The following C12orf42 variants were observed in gnomAD, a reference collection of about 807,000 sequenced individuals.
The protein encoded by C12orf42 is chromosome 12 open reading frame 42, also known as uncharacterized protein C12orf42.
A neutral mutation model predicts 21.6 loss-of-function variants in C12orf42; 25 were observed. That is an observed-to-expected ratio of 1.16 (90% CI 0.84 to 1.62). C12orf42 has a LOEUF of 1.62. Ranked by LOEUF, C12orf42 falls within the 40% of genes most tolerant of loss-of-function variation. The pLI, the probability that C12orf42 is intolerant of heterozygous loss-of-function variation, is 0.00. For synonymous variants in C12orf42, 174 were observed against 175.0 expected, an observed-to-expected ratio of 0.99 and a Z score of 0.05; for missense variants, 483 against 459.3, an observed-to-expected ratio of 1.05 and a Z score of -0.47.
intron 5 of C12orf42, among the ~76,000 whole-genome samples, chr12:103,275,121 G>T (rs1179072437): frequency 6.6e-6 from 1 of 151,654 alleles, no homozygotes; most frequent in Non-Finnish European, 1.5e-5. Context: ...TATTTTTATT[G>T]ATATCTCCTA....
intron 1 of C12orf42, among the ~76,000 whole-genome samples, chr12:103,489,457 G>T: frequency 6.6e-6 from 1 of 152,326 alleles, no homozygotes; most frequent in African/African-American, 2.4e-5. Context: ...CTCAAACACC[G>T]TGCTGGGAGA....
the C12orf42 span, among the ~76,000 whole-genome samples, chr12:103,082,548 A>C: frequency 2.0e-5 from 3 of 152,176 alleles, 1 homozygote. Context: ...TTGACCTCTG[A>C]TTCTTAAAGC....
intron 2 of C12orf42, among the ~76,000 whole-genome samples, chr12:103,424,206 C>G (rs1949609926): frequency 6.6e-6 from 1 of 152,174 alleles, no homozygotes; most frequent in South Asian, 2.1e-4. Flanking sequence ...GCCATGGGCA[C>G]AAAAAATAAA....
chr12:103,384,753 A>G (rs2046465608), intron 3 of C12orf42, among the ~76,000 whole-genome samples: 1 of 152,236 alleles, frequency 6.6e-6, no homozygotes, highest in African/African-American at 2.4e-5. Context: ...ATAGCACACA[A>G]TAGGTATTCA....
At chr12:103,420,690 C>T (rs772481473) in intron 2 of C12orf42, among the ~76,000 whole-genome samples, 8 of 152,052 alleles carry the variant, frequency 5.3e-5, no homozygotes, top group Non-Finnish European at 8.8e-5. Flanking sequence ...CCACCACACC[C>T]GGTTGATTTT....
the C12orf42 span, among the ~76,000 whole-genome samples, chr12:103,518,581 G>A: frequency 6.6e-6 from 1 of 152,136 alleles, no homozygotes; most frequent in East Asian, 1.9e-4. Flanking sequence ...TGCATCCCAG[G>A]TACAAGGGAG....
intron 2 of C12orf42, among the ~76,000 whole-genome samples, chr12:103,432,384 G>A: frequency 6.6e-6 from 1 of 152,138 alleles, no homozygotes; most frequent in East Asian, 1.9e-4. Flanking sequence ...ACCATCAACT[G>A]ATGCTTGCCT....
intron 10 of C12orf42, among the ~76,000 whole-genome samples, chr12:103,243,102 C>T (rs1382701230): frequency 6.6e-6 from 1 of 152,112 alleles, no homozygotes; most frequent in Non-Finnish European, 1.5e-5. Context: ...TAGTTCACTA[C>T]AGCCTTGAAA....
chr12:103,120,290 G>A, the C12orf42 span, among the ~76,000 whole-genome samples: 5 of 152,168 alleles, frequency 3.3e-5, no homozygotes, highest in East Asian at 1.9e-4. Context: ...GACTGGGAGA[G>A]ATAATTACTT....
rs189640331 is a variant in C12orf42 at position 103,292,030 on chromosome 12, C to T, written n.338-14820G>A. Among the ~76,000 whole-genome samples the T allele has an allele frequency of 5.3e-5, 8 of 152,172 alleles. No individual in the cohort carries two copies. The East Asian group carries it at 1.5e-3, about 29-fold the overall frequency. ...TGGACACAGCCCCAATGTCCATTAA[C>T]CAATCAATGGATAAACAAAATGTGG... On this transcript the variant is annotated intron_variant and non_coding_transcript_variant, in intron 4 of 6. Transcript: ENST00000546526.
chr12:103,054,170 T>C, the C12orf42 span, among the ~76,000 whole-genome samples: 1 of 151,986 alleles, frequency 6.6e-6, no homozygotes, highest in Admixed American at 6.6e-5. Context: ...TATAAATCAA[T>C]TTGGGAAGCA....
chr12:103,292,985 A>G (rs368589960), intron 4 of C12orf42, among the ~76,000 whole-genome samples: 2 of 152,092 alleles, frequency 1.3e-5, no homozygotes, highest in East Asian at 3.9e-4. Flanking sequence ...TCACTCTGAA[A>G]AACACCATAG....
the C12orf42 span, among the ~76,000 whole-genome samples, chr12:103,191,584 G>C: frequency 3.1e-5 from 3 of 98,228 alleles, no homozygotes; most frequent in Non-Finnish European, 6.5e-5. Flanking sequence ...ATACAAAAGA[G>C]AAAAAAATTA....
chr12:103,460,333 A>G (rs1952613667), intron 2 of C12orf42, among the ~76,000 whole-genome samples: 1 of 151,900 alleles, frequency 6.6e-6, no homozygotes. Context: ...AAAGATTACT[A>G]TGGGCCAGGT....
intron 2 of C12orf42, among the ~76,000 whole-genome samples, chr12:103,445,754 T>C (rs186196941): frequency 6.6e-6 from 1 of 152,230 alleles, no homozygotes; most frequent in East Asian, 1.9e-4. Flanking sequence ...ATTCTTTAAG[T>C]ACTATACTTA....
intron 5 of C12orf42, among the ~76,000 whole-genome samples, chr12:103,305,652 A>G (rs970658379): frequency 6.6e-6 from 1 of 152,244 alleles, no homozygotes; most frequent in Non-Finnish European, 1.5e-5. Flanking sequence ...TCATAAAATA[A>G]TATAAAATGC....
the C12orf42 span, among the ~76,000 whole-genome samples, chr12:103,529,267 C>T: frequency 1.3e-5 from 2 of 152,178 alleles, no homozygotes; most frequent in African/African-American, 4.8e-5. Flanking sequence ...TTATTAATAG[C>T]TGCAAATAGT....
chr12:103,522,366 G>T, the C12orf42 span, among the ~76,000 whole-genome samples: 7 of 152,248 alleles, frequency 4.6e-5, no homozygotes, highest in South Asian at 2.1e-4. Context: ...ACCCAGTCTT[G>T]GGTATGTCTT....
At chr12:103,524,271 C>T in the C12orf42 span, among the ~76,000 whole-genome samples, 1 of 152,160 alleles carries the variant, frequency 6.6e-6, no homozygotes, top group Admixed American at 6.5e-5. Flanking sequence ...TTTCCAGCTG[C>T]CCCAATTTCA....
Sources: gnomAD v4.1 joint callset for allele counts (sites outside exome capture counted in the v4.1 genomes callset) on GRCh38, gnomAD v4.1.1 for gene constraint, MANE v1.5 for transcripts, NCBI Gene and HGNC (gene_info 2026-07-23, HGNC 2026-07-21) for gene names.